HMGCLL1: variants seen among roughly 807,000 people sequenced by gnomAD.
HMGCLL1 encodes the protein 3-hydroxymethyl-3-methylglutaryl-CoA lyase, cytoplasmic.
Under a neutral mutation model 39.1 loss-of-function variants are expected in HMGCLL1, and 36 were observed. The ratio of observed to expected loss-of-function variants is 0.92; its 90% CI spans 0.71 to 1.22. HMGCLL1 has a LOEUF of 1.22. Among genes scored for constraint, HMGCLL1 ranks in the 50% most tolerant of loss-of-function variants. The pLI, the probability that HMGCLL1 is intolerant of heterozygous loss-of-function variation, is 0.00. For synonymous variants in HMGCLL1, 149 were observed against 144.0 expected (o/e 1.03, Z -0.25); for missense variants, 451 against 416.5 (o/e 1.08, Z -0.72).
chr6:55,488,422 GA>G (rs1230728909), intron 7 of HMGCLL1, among the ~76,000 whole-genome samples: 1 of 152,014 alleles, frequency 6.6e-6, no homozygotes, highest in Non-Finnish European at 1.5e-5. Flanking sequence ...AAAAATTATT[GA>G]GGAAAAGGAT....
the HMGCLL1 span, among the ~76,000 whole-genome samples, chr6:55,589,356 T>C: frequency 6.6e-6 from 1 of 152,132 alleles, no homozygotes; most frequent in African/African-American, 2.4e-5. Flanking sequence ...TCAACAACGC[T>C]TCATGCTAAA....
chr6:55,499,263 T>C lies in HMGCLL1; in HGVS notation c.579A>G (p.Gly193=). ...VSCALGCPYE[G]SITPQKVTEV... ...CTGTCACTTTTTGCGGTGTAATACT[T>C]CCTTCATATGGACAGCCCAGAGCAC... The change falls in exon 6 of 9, where the codon GGA becomes GGG. Residue 193 remains glycine, a synonymous_variant. Transcript: ENST00000274901. 3.7e-6 allele frequency: 6 copies of C among 1,610,766 alleles called. No individual in the cohort carries two copies. Among genetic ancestry groups the C allele is most frequent in the Non-Finnish European group, 5.1e-6 (6 of 1,178,268 alleles).
At chr6:55,547,767 T>C (rs1000811426) in intron 1 of HMGCLL1, among the ~76,000 whole-genome samples, 1 of 152,072 alleles carries the variant, frequency 6.6e-6, no homozygotes, top group Non-Finnish European at 1.5e-5. Flanking sequence ...ATTTGAAATA[T>C]GCACATGGTG....
At chr6:55,631,314 T>G in the HMGCLL1 span, among the ~76,000 whole-genome samples, 1 of 152,136 alleles carries the variant, frequency 6.6e-6, no homozygotes, top group Non-Finnish European at 1.5e-5. Context: ...TTTTTTTATA[T>G]GCATAGTTGT....
chr6:55,545,701 T>A (rs1488064796), intron 1 of HMGCLL1, among the ~76,000 whole-genome samples: 3 of 152,106 alleles, frequency 2.0e-5, no homozygotes, highest in Non-Finnish European at 2.9e-5. Flanking sequence ...GGGGAGATAA[T>A]GAGCTTATTT....
At chr6:55,630,893 C>A in the HMGCLL1 span, among the ~76,000 whole-genome samples, 1 of 152,076 alleles carries the variant, frequency 6.6e-6, no homozygotes, top group African/African-American at 2.4e-5. Flanking sequence ...TGCCCAGTCT[C>A]GGGTATTTTT....
At chr6:55,645,425 C>T in the HMGCLL1 span, among the ~76,000 whole-genome samples, 1 of 151,902 alleles carries the variant, frequency 6.6e-6, no homozygotes, top group Non-Finnish European at 1.5e-5. Flanking sequence ...CTAAGACTTC[C>T]AAGTACTAAG....
the HMGCLL1 span, among the ~76,000 whole-genome samples, chr6:55,606,471 C>G: frequency 6.6e-6 from 1 of 151,864 alleles, no homozygotes; most frequent in South Asian, 2.1e-4. Flanking sequence ...GGTTCCTAGC[C>G]CAGTGTTCTG....
intron 3 of HMGCLL1, among the ~76,000 whole-genome samples, chr6:55,533,388 G>T (rs1314905837): frequency 6.6e-6 from 1 of 151,610 alleles, no homozygotes; most frequent in Non-Finnish European, 1.5e-5. Flanking sequence ...CATTTAACAC[G>T]GCAACTTAAA....
chr6:55,604,427 G>A, the HMGCLL1 span, among the ~76,000 whole-genome samples: 1 of 152,076 alleles, frequency 6.6e-6, no homozygotes. Flanking sequence ...AGATTAGATT[G>A]AATTAACTTT....
At chr6:55,648,562 C>T in the HMGCLL1 span, among the ~76,000 whole-genome samples, 4 of 76,288 alleles carry the variant, frequency 5.2e-5, no homozygotes, top group South Asian at 4.3e-4. Flanking sequence ...TAAATACAAA[C>T]TACCATCAGA....
the HMGCLL1 span, among the ~76,000 whole-genome samples, chr6:55,594,711 G>A: frequency 6.6e-6 from 1 of 152,142 alleles, no homozygotes; most frequent in African/African-American, 2.4e-5. Context: ...TAGTGGTGGT[G>A]GGAGAAGTCT....
intron 3 of HMGCLL1, among the ~76,000 whole-genome samples, chr6:55,517,531 C>G (rs1375274643): frequency 6.6e-6 from 1 of 151,882 alleles, no homozygotes; most frequent in Non-Finnish European, 1.5e-5. Context: ...TATAGAAATG[C>G]AGAAAAAGGG....
intron 1 of HMGCLL1, among the ~76,000 whole-genome samples, chr6:55,546,994 T>G (rs1009575477): frequency 6.6e-6 from 1 of 152,074 alleles, no homozygotes; most frequent in Non-Finnish European, 1.5e-5. Flanking sequence ...TGAATTTATA[T>G]GTTACTTTAC....
chr6:55,514,501 C>A (rs145898981), intron 4 of HMGCLL1, among the ~76,000 whole-genome samples: 15 of 152,168 alleles, frequency 9.9e-5, no homozygotes, highest in African/African-American at 3.1e-4. Context: ...ATACTGTAAG[C>A]CTAATTATGG....
At chr6:55,568,346 C>T (rs1168116713) in intron 1 of HMGCLL1, among the ~76,000 whole-genome samples, 4 of 152,006 alleles carry the variant, frequency 2.6e-5, no homozygotes, top group Admixed American at 6.6e-5. Flanking sequence ...TAGGCTCCAC[C>T]CTGCAGAAAA....
the HMGCLL1 span, among the ~76,000 whole-genome samples, chr6:55,592,554 T>C: frequency 1.3e-5 from 2 of 152,162 alleles, no homozygotes; most frequent in South Asian, 4.1e-4. Flanking sequence ...GTCCTGTGCA[T>C]GGTGGGGATT....
At chr6:55,590,579 C>T in the HMGCLL1 span, among the ~76,000 whole-genome samples, 137 of 152,122 alleles carry the variant, frequency 9.0e-4, no homozygotes, top group Non-Finnish European at 1.3e-3. Flanking sequence ...AGAGCCTCTG[C>T]ACAGCAAAGG....
chr6:55,667,433 A>G, the HMGCLL1 span, among the ~76,000 whole-genome samples: 2 of 151,796 alleles, frequency 1.3e-5, no homozygotes, highest in Non-Finnish European at 1.5e-5. Context: ...GGATATTATC[A>G]CCCTCATTTC....
Sources: allele counts gnomAD v4.1 joint callset (sites outside exome capture counted in the v4.1 genomes callset), GRCh38; gene constraint gnomAD v4.1.1; transcripts MANE v1.5; gene names NCBI Gene and HGNC (gene_info 2026-07-23, HGNC 2026-07-21).